The following TPD52 variants were observed in gnomAD, a reference collection of about 807,000 sequenced individuals.
TPD52 encodes tumor protein D52.
TPD52 carries 17 observed loss-of-function variants against 31.3 expected under a neutral mutation model. The observed-to-expected ratio is 0.54, with a 90% CI of 0.37 to 0.82. TPD52 has a LOEUF of 0.82. Among genes scored for constraint, TPD52 ranks in the 40% least tolerant of loss-of-function variants. TPD52 has a pLI of 0.00. For missense variants in TPD52, 212 were observed against 240.1 expected, an observed-to-expected ratio of 0.88 and a Z score of 0.77; for synonymous variants, 83 against 89.6, an observed-to-expected ratio of 0.93 and a Z score of 0.42.
chr8:80,057,795 C>CA (rs1350194997), intron 2 of TPD52, among the ~76,000 whole-genome samples: 1 of 152,046 alleles, frequency 6.6e-6, no homozygotes, highest in East Asian at 1.9e-4. Context: ...CATGTACCCC[C>CA]TGAATCTAAA....
intron 3 of TPD52, among the ~76,000 whole-genome samples, chr8:80,052,208 C>G (rs1335039017): frequency 6.6e-6 from 1 of 152,106 alleles, no homozygotes; most frequent in African/African-American, 2.4e-5. Context: ...ATATGCAATG[C>G]TTAAAATTAT....
chr8:80,049,495 G>A (rs766082201), intron 5 of TPD52, among the ~76,000 whole-genome samples: 51 of 152,036 alleles, frequency 3.4e-4, no homozygotes, highest in Non-Finnish European at 5.3e-4. Context: ...TGACTTCCAG[G>A]GGTAAGTGTC....
intron 1 of TPD52, among the ~76,000 whole-genome samples, chr8:80,147,085 C>T (rs1392337801): frequency 6.6e-5 from 10 of 152,162 alleles, no homozygotes; most frequent in Non-Finnish European, 1.5e-4. Flanking sequence ...GAACCACTGG[C>T]CTACATGGGC....
intron 1 of TPD52, chr8:80,080,472 G>A (rs774343449): frequency 3.1e-6 from 5 of 1,612,740 alleles, no homozygotes; most frequent in African/African-American, 1.3e-5. Context: ...AACGCAGAAT[G>A]CATGGCTGTC....
intron 1 of TPD52, among the ~76,000 whole-genome samples, chr8:80,093,167 G>A (rs1034917549): frequency 3.9e-5 from 6 of 151,966 alleles, no homozygotes; most frequent in South Asian, 2.1e-4. Context: ...TAATTATTTC[G>A]ACTCTGGAAT....
At chr8:80,124,025 G>A (rs528994948) in intron 1 of TPD52, among the ~76,000 whole-genome samples, 1 of 152,318 alleles carries the variant, frequency 6.6e-6, no homozygotes, top group African/African-American at 2.4e-5. Flanking sequence ...AGCTGAACAT[G>A]ACTAAAAGGT....
chr8:80,151,263 A>G (rs1357498918), intron 1 of TPD52, among the ~76,000 whole-genome samples: 1 of 152,228 alleles, frequency 6.6e-6, no homozygotes, highest in Non-Finnish European at 1.5e-5. Context: ...TTGTAAGTCA[A>G]TTAAACCTCT....
intron 1 of TPD52, among the ~76,000 whole-genome samples, chr8:80,138,294 C>T (rs1809581406): frequency 6.6e-6 from 1 of 152,142 alleles, no homozygotes; most frequent in Admixed American, 6.6e-5. Context: ...TTAAAAGGTA[C>T]CTGTGTTTGA....
intron 1 of TPD52, among the ~76,000 whole-genome samples, chr8:80,096,911 T>C (rs933635439): frequency 6.6e-6 from 1 of 152,110 alleles, no homozygotes; most frequent in Non-Finnish European, 1.5e-5. Flanking sequence ...TCACTTTAAA[T>C]CAAAAGCTAG....
chr8:80,161,546 A>T (rs1211462654), intron 1 of TPD52, among the ~76,000 whole-genome samples: 1 of 152,110 alleles, frequency 6.6e-6, no homozygotes, highest in East Asian at 1.9e-4. Flanking sequence ...CCAAGTACAC[A>T]TTCTAGTGGG....
intron 1 of TPD52, among the ~76,000 whole-genome samples, chr8:80,170,814 G>A (rs1385786008): frequency 6.6e-6 from 1 of 152,108 alleles, no homozygotes; most frequent in Non-Finnish European, 1.5e-5. Flanking sequence ...TAGACTGAAG[G>A]TTTTGTGTTG....
At chr8:80,043,334 T>C (rs908099240) in intron 6 of TPD52, among the ~76,000 whole-genome samples, 6 of 152,180 alleles carry the variant, frequency 3.9e-5, no homozygotes, top group Non-Finnish European at 8.8e-5. Context: ...AGCGCCTTTG[T>C]CTCTCACAAA....
chr8:80,107,572 T>G (rs979291604), intron 1 of TPD52, among the ~76,000 whole-genome samples: 20 of 152,048 alleles, frequency 1.3e-4, no homozygotes, highest in African/African-American at 4.1e-4. Flanking sequence ...GTATGAATGT[T>G]TGTGTGTGTG....
intron 1 of TPD52, among the ~76,000 whole-genome samples, chr8:80,128,086 G>A (rs894177027): frequency 2.0e-5 from 3 of 151,718 alleles, no homozygotes; most frequent in Non-Finnish European, 4.4e-5. Context: ...CCAGCTGTCC[G>A]CAGTACTATA....
chr8:80,099,559 G>A (rs1284947711), intron 1 of TPD52, among the ~76,000 whole-genome samples: 2 of 146,742 alleles, frequency 1.4e-5, no homozygotes, highest in African/African-American at 5.1e-5. Flanking sequence ...CACCCAGGCT[G>A]AAGTGCAGTG....
chr8:80,110,296 C>G (rs1046318384), intron 1 of TPD52, among the ~76,000 whole-genome samples: 1 of 151,928 alleles, frequency 6.6e-6, no homozygotes, highest in Non-Finnish European at 1.5e-5. Context: ...TCTCAAGGGT[C>G]TTAAATGTAT....
Position 80,038,164 on chromosome 8 carries a change from A to C in TPD52, c.576T>G (p.Ser192Arg), listed in dbSNP as rs933931448. 1 of 1,614,164 alleles carries C rather than the reference A, an allele frequency of 6.2e-7. No individual in the cohort carries two copies. The highest frequency in any genetic ancestry group is 1.3e-5 in the African/African-American group (1 of 75,054). ...GEVLNSAANA[S>R]ATTTEPLPEK... ...CTGGAAGAGGCTCCGTGGTGGTGGC[A>C]CTAGCATTTGCAGCCGAATTCAAGA... The change falls in exon 8 of 8, where the codon AGT (serine) becomes AGG (arginine). Residue 192 changes from serine to arginine, a missense_variant. By Grantham distance (110) the Ser-to-Arg change is moderately radical (BLOSUM62 -1). Coordinates refer to ENST00000518937, the MANE Select transcript of TPD52 (RefSeq NM_001025253.3).
intron 1 of TPD52, among the ~76,000 whole-genome samples, chr8:80,109,565 C>A (rs28889055): frequency 0.2 from 30,663 of 151,866 alleles, 5,626 homozygotes; most frequent in African/African-American, 0.49. Flanking sequence ...TGCCACCATG[C>A]CTGGCTAATT....
chr8:80,137,843 C>T (rs557082942), intron 1 of TPD52, among the ~76,000 whole-genome samples: 1 of 152,188 alleles, frequency 6.6e-6, no homozygotes, highest in Non-Finnish European at 1.5e-5. Context: ...GAGGCCAAGG[C>T]GGGAGGATCA....
Sources: allele counts gnomAD v4.1 joint callset (sites outside exome capture counted in the v4.1 genomes callset), GRCh38; gene constraint gnomAD v4.1.1; transcripts MANE v1.5; gene names NCBI Gene and HGNC (gene_info 2026-07-23, HGNC 2026-07-21).